Variants in ARHGAP15 observed in about 807,000 individuals in gnomAD.
ARHGAP15 encodes rho GTPase-activating protein 15.
In ARHGAP15, 51 loss-of-function variants were observed where a neutral mutation model predicts 63.7. The observed-to-expected ratio is 0.80, with a 90% CI of 0.64 to 1.01. The LOEUF (loss-of-function observed/expected upper bound fraction) is 1.01. Ranked by LOEUF, ARHGAP15 falls within the 50% of genes least tolerant of loss-of-function variation. The pLI is 0.00. For synonymous variants in ARHGAP15, 191 were observed against 193.8 expected, an observed-to-expected ratio of 0.99 and a Z score of 0.12; for missense variants, 560 against 564.6, an observed-to-expected ratio of 0.99 and a Z score of 0.08.
At chr2:143,741,133 A>T (rs1483510170) in intron 13 of ARHGAP15, 1 of 152,206 alleles carries the variant, frequency 6.6e-6, no homozygotes. Flanking sequence ...CGGTGAAAAC[A>T]TCACTTTGGC....
chr2:143,208,766 T>TC (rs1188477018), intron 3 of ARHGAP15, among the ~76,000 whole-genome samples: 3 of 152,166 alleles, frequency 2.0e-5, no homozygotes, highest in Admixed American at 6.6e-5. Context: ...CTTTTTCTTT[T>TC]CCCCTTAAAG....
intron 12 of ARHGAP15, among the ~76,000 whole-genome samples, chr2:143,628,043 G>A (rs925516765): frequency 5.9e-5 from 9 of 152,004 alleles, no homozygotes; most frequent in Admixed American, 5.9e-4. Context: ...TGTGTACCCA[G>A]TGTTCAGCTC....
chr2:143,219,714 A>G (rs1008722019), intron 4 of ARHGAP15, among the ~76,000 whole-genome samples: 5 of 152,216 alleles, frequency 3.3e-5, no homozygotes, highest in Non-Finnish European at 7.3e-5. Context: ...TACTTTCCAC[A>G]GTTTTATCAG....
At chr2:143,220,966 T>C (rs1389972554) in intron 4 of ARHGAP15, among the ~76,000 whole-genome samples, 1 of 152,112 alleles carries the variant, frequency 6.6e-6, no homozygotes, top group African/African-American at 2.4e-5. Context: ...AACCTCTTAT[T>C]TCTCCCAAAT....
chr2:143,406,550 A>C (rs532519768), intron 6 of ARHGAP15, among the ~76,000 whole-genome samples: 2 of 151,960 alleles, frequency 1.3e-5, no homozygotes, highest in South Asian at 4.1e-4. Context: ...TCAATCTGTC[A>C]ATTTAAGTTT....
At chr2:143,429,350 C>G (rs1305230059) in intron 6 of ARHGAP15, among the ~76,000 whole-genome samples, 1 of 151,010 alleles carries the variant, frequency 6.6e-6, no homozygotes, top group South Asian at 2.1e-4. Flanking sequence ...TTATGCAGAA[C>G]AAATCTCTGT....
intron 2 of ARHGAP15, among the ~76,000 whole-genome samples, chr2:143,156,685 A>G (rs1214455558): frequency 6.6e-6 from 1 of 152,000 alleles, no homozygotes; most frequent in Non-Finnish European, 1.5e-5. Flanking sequence ...GATTTTAATC[A>G]TTCTTTCCTC....
intron 6 of ARHGAP15, among the ~76,000 whole-genome samples, chr2:143,375,919 C>G (rs1024866957): frequency 6.6e-6 from 1 of 152,234 alleles, no homozygotes; most frequent in African/African-American, 2.4e-5. Flanking sequence ...GAAGCGCAAG[C>G]TCTCTTTAAA....
chr2:143,366,023 A>G (rs1009726089), intron 6 of ARHGAP15, among the ~76,000 whole-genome samples: 12 of 152,234 alleles, frequency 7.9e-5, no homozygotes, highest in Middle Eastern at 3.4e-3. Flanking sequence ...TGAATGACCA[A>G]TTGAAAAGAA....
At chr2:143,471,014 G>T (rs1343114655) in intron 8 of ARHGAP15, among the ~76,000 whole-genome samples, 1 of 139,636 alleles carries the variant, frequency 7.2e-6, no homozygotes, top group African/African-American at 2.6e-5. Context: ...AGATAAAGAA[G>T]ATATGAATAT....
intron 6 of ARHGAP15, among the ~76,000 whole-genome samples, chr2:143,262,236 G>C (rs16858942): frequency 0.22 from 33,574 of 152,022 alleles, 3,974 homozygotes; most frequent in South Asian, 0.35. Flanking sequence ...GCAATTTACC[G>C]CTTGCAATAT....
At chr2:143,641,290 AAAAC>A (rs569909663) in intron 12 of ARHGAP15, 166 of 152,286 alleles carry the variant, frequency 1.1e-3, no homozygotes, top group African/African-American at 3.4e-3. Context: ...CAACAAAAAA[AAAAC>A]AAACTGTGTA....
intron 6 of ARHGAP15, among the ~76,000 whole-genome samples, chr2:143,347,267 A>T (rs1001825274): frequency 6.6e-6 from 1 of 152,152 alleles, no homozygotes; most frequent in Non-Finnish European, 1.5e-5. Context: ...GGCTCTAAAA[A>T]AAGCTGCCGC....
chr2:143,393,602 G>T (rs998897415), intron 6 of ARHGAP15, among the ~76,000 whole-genome samples: 2 of 151,786 alleles, frequency 1.3e-5, no homozygotes, highest in African/African-American at 4.8e-5. Flanking sequence ...CTGGTGCTGC[G>T]CACCTGTATC....
chr2:143,625,990 A>G (rs1698820474), intron 12 of ARHGAP15, among the ~76,000 whole-genome samples: 1 of 152,198 alleles, frequency 6.6e-6, no homozygotes, highest in Non-Finnish European at 1.5e-5. Flanking sequence ...TATGGAAAGC[A>G]GGCCCTCCGA....
intron 13 of ARHGAP15, among the ~76,000 whole-genome samples, chr2:143,757,962 A>AAGTT (rs1381808682): frequency 2.0e-5 from 3 of 152,094 alleles, no homozygotes; most frequent in Non-Finnish European, 4.4e-5. Flanking sequence ...AAGTAATGAA[A>AAGTT]AGTTACTCTT....
intron 12 of ARHGAP15, among the ~76,000 whole-genome samples, chr2:143,662,081 G>A (rs1443976594): frequency 6.6e-6 from 1 of 152,246 alleles, no homozygotes. Flanking sequence ...GCTCAAGAAG[G>A]CCTGCCTGCC....
chr2:143,746,403 G>A (rs1359688721), intron 13 of ARHGAP15, among the ~76,000 whole-genome samples: 1 of 151,952 alleles, frequency 6.6e-6, no homozygotes, highest in Non-Finnish European at 1.5e-5. Flanking sequence ...AAGATAGGAA[G>A]AACATAGGGA....
chr2:143,569,033 G>A lies in ARHGAP15; in HGVS notation c.1003+12548G>A, dbSNP rs563790552. On this transcript the variant is annotated intron_variant, in intron 11 of 13. Transcript: ENST00000295095. The stretch of plus-strand genomic sequence containing the variant: ...TGTCATAGGATGGGGGGCAGGGGGA[G>A]GGATAGCACTGGGAGAAATACCTAA... Among the ~76,000 whole-genome samples, 3 of 152,288 alleles carry A rather than the reference G, an allele frequency of 2.0e-5. No homozygotes were observed. The East Asian group carries it at 5.8e-4, about 29-fold the overall frequency.
Sources: allele counts gnomAD v4.1 joint callset (sites outside exome capture counted in the v4.1 genomes callset), GRCh38; gene constraint gnomAD v4.1.1; transcripts MANE v1.5; gene names NCBI Gene and HGNC (gene_info 2026-07-23, HGNC 2026-07-21).